Variants in LRIT2 observed in about 807,000 individuals in gnomAD.
The protein encoded by LRIT2 is leucine rich repeat, Ig-like and transmembrane domains 2, also known as leucine-rich repeat, immunoglobulin-like domain and transmembrane domain-containing protein 2.
Under a neutral mutation model 22.4 loss-of-function variants are expected in LRIT2, and 23 were observed. The observed-to-expected ratio is 1.03, with a 90% CI of 0.74 to 1.45. The LOEUF (loss-of-function observed/expected upper bound fraction) is 1.45, where lower values mean the gene tolerates loss of function less well. Ranked by LOEUF, LRIT2 falls within the 40% of genes most tolerant of loss-of-function variation. LRIT2 has a pLI of 0.00. For missense variants in LRIT2, 784 were observed against 665.6 expected, an observed-to-expected ratio of 1.18 and a Z score of -1.96; for synonymous variants, 291 against 267.1, an observed-to-expected ratio of 1.09 and a Z score of -0.87.
At position 84,222,498 on chromosome 10, in the gene LRIT2, G is replaced by C; in HGVS notation, c.1075C>G (p.Pro359Ala). 6.2e-7 allele frequency: 1 copy of C among 1,613,978 alleles called. No homozygotes were observed. Among genetic ancestry groups the C allele is most frequent in the Non-Finnish European group, 8.5e-7 (1 of 1,180,014 alleles). The change falls in exon 3 of 3, where the codon CCC becomes GCC. Residue 359 changes from proline (P) to alanine (A), a missense_variant. By Grantham distance (27) the Pro-to-Ala change is conservative. Coordinates refer to ENST00000372113, the MANE Select transcript of LRIT2 (RefSeq NM_001017924.5). Reference protein sequence around the residue: ...ALHAPDSLSIPSEGNAYIDLR... With the variant: ...ALHAPDSLSIASEGNAYIDLR... ...TCAATGTAGGCATTGCCCTCCGAGG[G>C]GATGGAAAGAGAATCAGGTGCATGT...
Position 84,224,548 on chromosome 10 carries a change from T to A in LRIT2, c.677A>T (p.Asn226Ile). ...KSITLPVILV[N>I]SYLICQGPLS... ...AGGGCCCTGACATATCAGGTAGGAA[T>A]TCACCAGGATGACTGGGAGGGTAAT... The change falls in exon 2 of 3, where the codon AAT becomes ATT. Residue 226 changes from asparagine to isoleucine, a missense_variant. Asn to Ile is a moderately radical substitution (Grantham distance 149). Coordinates refer to ENST00000372113, the MANE Select transcript of LRIT2 (RefSeq NM_001017924.5). The A allele has an allele frequency of 6.2e-7, 1 of 1,614,050 alleles. No homozygotes were observed. Among genetic ancestry groups the A allele is most frequent in the Non-Finnish European group, 8.5e-7 (1 of 1,179,932 alleles).
chr10:84,222,309 C>T lies in LRIT2; in HGVS notation c.1264G>A (p.Asp422Asn), dbSNP rs1842517175. Reference protein sequence around the residue: ...GPGINTYAVDDLLPGTKYEAC... With the variant: ...GPGINTYAVDNLLPGTKYEAC... ...TCATATTTTGTGCCAGGAAGGAGGT[C>T]ATCCACAGCATAAGTATTGATTCCG... The change falls in exon 3 of 3, where the codon GAC becomes AAC. Residue 422 changes from aspartate to asparagine, a missense_variant. Transcript: ENST00000372113. 6.2e-7 allele frequency: 1 copy of T among 1,614,090 alleles called. No individual in the cohort carries two copies. Among genetic ancestry groups the T allele is most frequent in the African/African-American group, 1.3e-5 (1 of 74,930 alleles).
Position 84,224,876 on chromosome 10 carries a change from A to G in LRIT2, c.349T>C (p.Ser117Pro), listed in dbSNP as rs149641919. The G allele has an allele frequency of 1.9e-6, 3 of 1,614,020 alleles. No individual in the cohort carries two copies. The African/African-American group carries it at 4.0e-5, about 22-fold the overall frequency. ...ELRLEGNKLC[S>P]VPWTAFRATP... Reference sequence around the variant, plus strand: ...GCACGGAACGCTGTCCATGGTACTGAGCAGAGCTTGTTCCCCTCCAGTCTC... The same window carrying G: ...GCACGGAACGCTGTCCATGGTACTGGGCAGAGCTTGTTCCCCTCCAGTCTC... Residue 117 changes from serine (S) to proline (P), a missense_variant, in exon 2 of 3, where the codon TCA becomes CCA. By Grantham distance (74) the Ser-to-Pro change is moderately conservative. Transcript: ENST00000372113.
rs765767709 is a variant in LRIT2 at position 84,224,494 on chromosome 10, T to C, written c.731A>G (p.Glu244Gly). ...CTTCATGCAAGCACTAAGCTCAGTT[T>C]CATGAAAAAGCTGCCCTGCCTTGGA... is the stretch of plus-strand genomic sequence containing the variant. ...PLSKAGQLFH[E>G]TELSACMKPQ... Residue 244 changes from glutamate to glycine, a missense_variant, in exon 2 of 3, where the codon GAA becomes GGA. Coordinates refer to ENST00000372113, the MANE Select transcript of LRIT2 (RefSeq NM_001017924.5). 4 of 1,614,242 alleles carry C rather than the reference T, an allele frequency of 2.5e-6. No homozygotes were observed. In the Admixed American group the frequency reaches 6.7e-5, roughly 27 times the overall value.
In LRIT2 at chr10:84,220,592, A is replaced by G. The variant is rs772381049; in HGVS notation, c.*1328T>C. The G allele has an allele frequency of 6.6e-6, 1 of 152,156 alleles. No individual in the cohort carries two copies. Among genetic ancestry groups the G allele is most frequent in the Non-Finnish European group, 1.5e-5 (1 of 68,030 alleles). The allele number at this position is 152,156 out of a possible 1,614,324, so 9.4% of individuals were successfully genotyped here. Reference sequence around the variant, plus strand: ...AGTCTGAAAATGAGAGCCATCTTCAATTTTTTAAAATTTATTGTTAACTAA... The same window carrying G: ...AGTCTGAAAATGAGAGCCATCTTCAGTTTTTTAAAATTTATTGTTAACTAA... On this transcript the variant is annotated 3_prime_UTR_variant, in exon 3 of 3. Transcript: ENST00000372113.
In LRIT2 at chr10:84,222,462, C is replaced by T. The variant is rs772089197; in HGVS notation, c.1111G>A (p.Val371Ile). ...EGNAYIDLRVVKQTVHGILLE... is the reference protein window; with the variant it reads ...EGNAYIDLRVIKQTVHGILLE... Reference sequence around the variant, plus strand: ...AAAATCCCATGCACTGTCTGCTTGACAACCCGCAGGTCAATGTAGGCATTG... The same window carrying T: ...AAAATCCCATGCACTGTCTGCTTGATAACCCGCAGGTCAATGTAGGCATTG... Residue 371 changes from valine to isoleucine, a missense_variant, in exon 3 of 3, where the codon GTC becomes ATC. Physicochemically the swap from Val to Ile is conservative, Grantham distance 29. Transcript: ENST00000372113. The T allele has an allele frequency of 1.2e-6, 2 of 1,614,098 alleles. No individual in the cohort carries two copies. Among genetic ancestry groups the T allele is most frequent in the Non-Finnish European group, 1.7e-6 (2 of 1,180,032 alleles).
Position 84,224,478 on chromosome 10 carries a change from A to C in LRIT2, c.747T>G (p.Ala249=), listed in dbSNP as rs1433485517. Residue 249 remains alanine, a synonymous_variant, in exon 2 of 3, where the codon GCT becomes GCG. Transcript: ENST00000372113. The stretch of plus-strand genomic sequence containing the variant: ...GGGTTGAGATCTGTGGCTTCATGCA[A>C]GCACTAAGCTCAGTTTCATGAAAAA... ...GQLFHETELS[A]CMKPQISTPS... is the part of the protein sequence containing the mutation. 1 of 1,614,266 alleles carries C rather than the reference A, an allele frequency of 6.2e-7. No homozygotes were observed. The highest frequency in any genetic ancestry group is 8.5e-7 in the Non-Finnish European group (1 of 1,180,044).
rs1187845559 is a variant in LRIT2 at position 84,225,038 on chromosome 10, C to T, written c.187G>A (p.Glu63Lys). ...GGCATCTCAAATAAGGGTGAATTTT[C>T]AATTCTCACTTGCTTGAACTCTTCA... Reference protein sequence around the residue: ...LSEEFKQVRIENSPLFEMPQG... With the variant: ...LSEEFKQVRIKNSPLFEMPQG... Residue 63 changes from glutamate (E) to lysine (K), a missense_variant, in exon 2 of 3, where the codon GAA becomes AAA. Transcript: ENST00000372113. 6.2e-7 allele frequency: 1 copy of T among 1,614,078 alleles called. No individual in the cohort carries two copies. The highest frequency in any genetic ancestry group is 1.3e-5 in the African/African-American group (1 of 75,024).
chr10:84,222,706 C>CT, intron 2 of LRIT2, 26 bp from the exon 3 acceptor site: 3 of 1,611,556 alleles, frequency 1.9e-6, no homozygotes, highest in Non-Finnish European at 2.5e-6. Flanking sequence ...AACAAAACAG[C>CT]TGTGCATTTA....
rs376430517 is a variant in LRIT2 at position 84,224,854 on chromosome 10, C to T, written c.371G>A (p.Arg124His). The stretch of plus-strand genomic sequence containing the variant: ...CAAGACCCTCAGGAGAGGGGTGGCA[C>T]GGAACGCTGTCCATGGTACTGAGCA... ...KLCSVPWTAF[R>H]ATPLLRVLDL... Residue 124 changes from arginine to histidine, a missense_variant, in exon 2 of 3, where the codon CGT becomes CAT. Arg to His is a conservative substitution (Grantham distance 29). Transcript: ENST00000372113. 39 of 1,614,000 alleles carry T rather than the reference C, an allele frequency of 2.4e-5. No homozygotes were observed. Among genetic ancestry groups the T allele is most frequent in the South Asian group, 6.6e-5 (6 of 91,082 alleles).
chr10:84,222,860 G>A lies in LRIT2; in HGVS notation c.893-180C>T, dbSNP rs80010415. The A allele has an allele frequency of 3.5e-3, 2,571 of 729,734 alleles. 52 individuals carry two copies. The African/African-American group carries it at 0.039, about 11-fold the overall frequency. The allele number at this position is 729,734 out of a possible 1,614,324, so 45.2% of individuals were successfully genotyped here. A position where few individuals can be genotyped will look rare whatever the true frequency, so the allele number is the denominator to read the frequency against. On this transcript the variant is annotated intron_variant, in intron 2 of 2. Coordinates refer to ENST00000372113, the MANE Select transcript of LRIT2 (RefSeq NM_001017924.5). ...CAGGTGTTTGCCTCCCAGCAATCCT[G>A]TAAGATAAATAACTGATCTTTACAC...
rs1842550242 is a variant in LRIT2 at position 84,224,986 on chromosome 10, G to T, written c.239C>A (p.Thr80Asn). The T allele has an allele frequency of 6.2e-7, 1 of 1,614,068 alleles. No homozygotes were observed. The highest frequency in any genetic ancestry group is 8.5e-7 in the Non-Finnish European group (1 of 1,180,030). Residue 80 changes from threonine to asparagine, a missense_variant, in exon 2 of 3, where the codon ACC (threonine) becomes AAC (asparagine). By Grantham distance (65) the Thr-to-Asn change is moderately conservative. Transcript: ENST00000372113. ...AAAATTGAGCCAGAGGTATTCCAAG[G>T]TGCTCATGTTGATGAAAGACCCTTG... ...MPQGSFINMSTLEYLWLNFNN... is the reference protein window; with the variant it reads ...MPQGSFINMSNLEYLWLNFNN...
In LRIT2 at chr10:84,224,431, C is replaced by T. The variant is rs201872650; in HGVS notation, c.794G>A (p.Arg265Gln). The T allele has an allele frequency of 1.6e-5, 26 of 1,614,198 alleles. No homozygotes were observed. The East Asian group carries it at 4.9e-4, about 30-fold the overall frequency. Residue 265 changes from arginine to glutamine, a missense_variant, in exon 2 of 3, where the codon CGG (arginine) becomes CAG (glutamine). By Grantham distance (43) the Arg-to-Gln change is conservative. Coordinates refer to ENST00000372113, the MANE Select transcript of LRIT2 (RefSeq NM_001017924.5). ...ISTPSANITI[R>Q]AGQNVTLRCL... is the part of the protein sequence containing the mutation. Reference sequence around the variant, plus strand: ...TCGCAGGGTCACATTCTGTCCTGCCCGGATGGTGATATTGGCACTGGGGGT... The same window carrying T: ...TCGCAGGGTCACATTCTGTCCTGCCTGGATGGTGATATTGGCACTGGGGGT...
chr10:84,224,266 T>C (rs1253828630), intron 2 of LRIT2, 67 bp downstream of exon 2: 42 of 1,496,310 alleles, frequency 2.8e-5, no homozygotes, highest in Middle Eastern at 2.5e-4. Context: ...ATCTCTCTAA[T>C]GAGGATGGGT....
In LRIT2 at chr10:84,220,779, G is replaced by A. The variant is rs1246371732; in HGVS notation, c.*1141C>T. 1 of 152,234 alleles carries A rather than the reference G, an allele frequency of 6.6e-6. No homozygotes were observed. The highest frequency in any genetic ancestry group is 1.5e-5 in the Non-Finnish European group (1 of 68,050). The allele number at this position is 152,234 out of a possible 1,614,324, so 9.4% of individuals were successfully genotyped here. On this transcript the variant is annotated 3_prime_UTR_variant, in exon 3 of 3. Transcript: ENST00000372113. ...AGGAAAGCTCTGTGGAAGACGTAAT[G>A]TACACACTTGAGAGAGGCCTAAAAG...
chr10:84,222,125 G>A lies in LRIT2; in HGVS notation c.1448C>T (p.Ala483Val), dbSNP rs758969467. The change falls in exon 3 of 3, where the codon GCC becomes GTC. Residue 483 changes from alanine to valine, a missense_variant. Ala to Val is a moderately conservative substitution (Grantham distance 64). Transcript: ENST00000372113. ...GCTGCAGGGGCCCTGGGCTGCCCAG[G>A]CATAGGCGCCCACAGGCACTGCAAG... ...VLLAVPVGAY[A>V]WAAQGPCSCS... 2.0e-5 allele frequency: 32 copies of A among 1,609,222 alleles called. No homozygotes were observed. In the African/African-American group the frequency reaches 2.3e-4, roughly 11 times the overall value.
rs1024285466 is a variant in LRIT2 at position 84,220,856 on chromosome 10, T to G, written c.*1064A>C. 2.0e-5 allele frequency: 3 copies of G among 152,234 alleles called. No individual in the cohort carries two copies. The highest frequency in any genetic ancestry group is 7.2e-5 in the African/African-American group (3 of 41,460). The allele number at this position is 152,234 out of a possible 1,614,324, so 9.4% of individuals were successfully genotyped here. A position where few individuals can be genotyped will look rare whatever the true frequency, so the allele number is the denominator to read the frequency against. ...GGGAAGGAGGAAACGTGTGGAGATG[T>G]CACAATGAGTCTAGTTCATGTTTAC... On this transcript the variant is annotated 3_prime_UTR_variant, in exon 3 of 3. Coordinates refer to ENST00000372113, the MANE Select transcript of LRIT2 (RefSeq NM_001017924.5).
At position 84,224,937 on chromosome 10, in the gene LRIT2, T is replaced by G; in HGVS notation, c.288A>C (p.Leu96=). 6.2e-7 allele frequency: 1 copy of G among 1,614,188 alleles called. No homozygotes were observed. Among genetic ancestry groups the G allele is most frequent in the African/African-American group, 1.3e-5 (1 of 75,058 alleles). Reference sequence around the variant, plus strand: ...GTTCTGGCAGGTGTTCCAGGGCTCCTAGGTGGATCACACTGATATTGTTAA... The same window carrying G: ...GTTCTGGCAGGTGTTCCAGGGCTCCGAGGTGGATCACACTGATATTGTTAA... ...LNFNNISVIH[L]GALEHLPELR... The change falls in exon 2 of 3, where the codon CTA becomes CTC. Residue 96 remains leucine (L), a synonymous_variant. Coordinates refer to ENST00000372113, the MANE Select transcript of LRIT2 (RefSeq NM_001017924.5).
At chr10:84,224,146 T>C (rs1458854542) in intron 2 of LRIT2, among the ~76,000 whole-genome samples, 187 bp downstream of exon 2, 1 of 152,268 alleles carries the variant, frequency 6.6e-6, no homozygotes, top group African/African-American at 2.4e-5. Flanking sequence ...ACATTTAAAA[T>C]AATGCCAATA....
Sources: gnomAD v4.1 joint callset for allele counts (sites outside exome capture counted in the v4.1 genomes callset) on GRCh38, gnomAD v4.1.1 for gene constraint, MANE v1.5 for transcripts, NCBI Gene and HGNC (gene_info 2026-07-23, HGNC 2026-07-21) for gene names.